Variants in NSMCE1 observed in about 807,000 individuals in gnomAD.
The protein encoded by NSMCE1 is NSE1 component of SMC5/6 complex, also known as non-structural maintenance of chromosomes element 1 homolog.
In NSMCE1, 18 loss-of-function variants were observed where a neutral mutation model predicts 29.6. The ratio of observed to expected loss-of-function variants is 0.61; its 90% CI spans 0.42 to 0.90. NSMCE1 has a LOEUF of 0.90. NSMCE1 is among the 40% of genes least tolerant of loss of function. The pLI, the probability that NSMCE1 is intolerant of heterozygous loss-of-function variation, is 0.00. For missense variants in NSMCE1, 314 were observed against 343.6 expected, an observed-to-expected ratio of 0.91 and a Z score of 0.68; for synonymous variants, 124 against 133.4, an observed-to-expected ratio of 0.93 and a Z score of 0.49.
chr16:27,225,766 G>A lies in NSMCE1; in HGVS notation c.681C>T (p.Arg227=). The A allele has an allele frequency of 1.2e-6, 2 of 1,614,206 alleles. No homozygotes were observed. The highest frequency in any genetic ancestry group is 1.7e-6 in the Non-Finnish European group (2 of 1,180,040). Residue 227 remains arginine (R), a synonymous_variant, in exon 7 of 8, where the codon CGC becomes CGT. Transcript: ENST00000361439. ...AKYFQSNAEP[R]CPHCNDYWPH... ...GCCAGTAGTCGTTGCAGTGGGGGCA[G>A]CGCGGTTCAGCATTCGACTGGAAGT...
At chr16:27,247,377 CTG>C (rs1460929681) in intron 2 of NSMCE1, among the ~76,000 whole-genome samples, 12 of 152,220 alleles carry the variant, frequency 7.9e-5, no homozygotes, top group Non-Finnish European at 7.3e-5. Context: ...TCCACCATGA[CTG>C]TAAGTTTCCT....
intron 2 of NSMCE1, among the ~76,000 whole-genome samples, chr16:27,238,907 T>C (rs1032576311): frequency 1.3e-5 from 2 of 151,152 alleles, no homozygotes; most frequent in African/African-American, 2.4e-5. Flanking sequence ...TGTCACTCCA[T>C]TGCCCAGGCT....
intron 6 of NSMCE1, 49 bp downstream of exon 6, chr16:27,226,671 G>A (rs754001151): frequency 1.3e-5 from 16 of 1,228,196 alleles, no homozygotes; most frequent in South Asian, 3.7e-5. Flanking sequence ...ACAGAGCCCC[G>A]GGAGCCGAGG....
At chr16:27,233,305 C>T (rs2083781829) in intron 4 of NSMCE1, among the ~76,000 whole-genome samples, 158 bp from the exon 5 acceptor site, 1 of 152,236 alleles carries the variant, frequency 6.6e-6, no homozygotes, top group African/African-American at 2.4e-5. Flanking sequence ...TAATGTGCAT[C>T]AAGAGCCAGG....
chr16:27,258,662 C>G (rs1264114748), intron 1 of NSMCE1, among the ~76,000 whole-genome samples: 1 of 152,074 alleles, frequency 6.6e-6, no homozygotes, highest in African/African-American at 2.4e-5. Context: ...ATAGAGGAAG[C>G]CTAAATGAGT....
intron 2 of NSMCE1, 152 bp from the exon 3 acceptor site, chr16:27,235,451 C>T: frequency 1.3e-6 from 1 of 764,550 alleles, no homozygotes; most frequent in Non-Finnish European, 2.1e-6. Context: ...ACGCCAATGC[C>T]ACGTGGCTTC....
At position 27,225,617 on chromosome 16, in the gene NSMCE1, CCA is replaced by C. The variant is rs2083680613; in HGVS notation, c.721+107_721+108del. The C allele has an allele frequency of 6.0e-6, 8 of 1,331,668 alleles. No homozygotes were observed. The East Asian group carries it at 1.9e-4, about 32-fold the overall frequency. The allele number at this position is 1,331,668 out of a possible 1,614,324, so 82.5% of individuals were successfully genotyped here. ...GGATTCAAGCTGCTAACACGGACCC[CCA>C]CACACCCTGGAGCCCTTCAGGGCCC... On this transcript the variant is annotated intron_variant, in intron 7 of 7. Transcript: ENST00000361439.
At chr16:27,247,092 G>A (rs528988667) in intron 2 of NSMCE1, among the ~76,000 whole-genome samples, 7 of 152,232 alleles carry the variant, frequency 4.6e-5, no homozygotes, top group African/African-American at 1.7e-4. Context: ...AATACATATT[G>A]GATTGCAAAG....
In NSMCE1 at chr16:27,226,846, C is replaced by T. The variant is rs1567271046; in HGVS notation, c.484-10G>A. 2 of 1,581,196 alleles carry T rather than the reference C, an allele frequency of 1.3e-6. No homozygotes were observed. The highest frequency in any genetic ancestry group is 2.2e-5 in the East Asian group (1 of 44,688). On this transcript the variant is annotated splice_polypyrimidine_tract_variant and intron_variant, in intron 5 of 7. Coordinates refer to ENST00000361439, the MANE Select transcript of NSMCE1 (RefSeq NM_145080.4). ...TGAACTCCCCTTCCTTCTGCAGGGA[C>T]ACACAGGAGGTGGCCACCCTCAGCC...
intron 4 of NSMCE1, 36 bp downstream of exon 4, chr16:27,234,152 G>A: frequency 7.3e-7 from 1 of 1,375,448 alleles, no homozygotes. Flanking sequence ...CCCATAAGAA[G>A]CCCACCCAAT....
chr16:27,234,539 T>C (rs2083798227), intron 3 of NSMCE1, among the ~76,000 whole-genome samples: 1 of 152,272 alleles, frequency 6.6e-6, no homozygotes, highest in Non-Finnish European at 1.5e-5. Context: ...TTTGTCTGCA[T>C]GTTAATGGAG....
rs776007423 is a variant in NSMCE1, at chr16:27,225,167, C to T, written c.791G>A (p.Arg264Lys). ...AGCAGGGCACGATGGCTAATGCTGC[C>T]TGGACCGCAGGGACTTTTTGTTCGA... is the stretch of plus-strand genomic sequence containing the variant. ...LKSNKKSLRS[R>K]QH is the part of the protein sequence containing the mutation. The change falls in exon 8 of 8, where the codon AGG (arginine) becomes AAG (lysine). Residue 264 changes from arginine (R) to lysine (K), a missense_variant. Transcript: ENST00000361439. The T allele has an allele frequency of 1.0e-5, 16 of 1,600,440 alleles. No homozygotes were observed. Among genetic ancestry groups the T allele is most frequent in the Non-Finnish European group, 1.4e-5 (16 of 1,171,228 alleles).
chr16:27,226,891 C>G, intron 5 of NSMCE1, 55 bp from the exon 6 acceptor site: 1 of 1,060,978 alleles, frequency 9.4e-7, no homozygotes, highest in Non-Finnish European at 1.5e-6. Context: ...CCCCATTCAC[C>G]ACCTCTCTTC....
At position 27,232,298 on chromosome 16, in the gene NSMCE1, T is replaced by C. The variant is rs926139545; in HGVS notation, c.483+703A>G. 6.6e-6 allele frequency among the ~76,000 whole-genome samples: 1 copy of C among 152,188 alleles called. No individual in the cohort carries two copies. The highest frequency in any genetic ancestry group is 1.5e-5 in the Non-Finnish European group (1 of 68,024). ...GAGCTGTTGAAAACAGGGGTGCCTTTTGTGGAAAAAGAACTGAAACATTTG... is the reference window on the plus strand; with the variant it reads ...GAGCTGTTGAAAACAGGGGTGCCTTCTGTGGAAAAAGAACTGAAACATTTG... On this transcript the variant is annotated intron_variant, in intron 5 of 7. Transcript: ENST00000361439. This position sits in a 1 kb window ranked among gnomAD's most constrained non-coding sequence, Gnocchi z 4.5.
intron 2 of NSMCE1, among the ~76,000 whole-genome samples, chr16:27,250,318 C>T (rs1399332873): frequency 6.6e-6 from 1 of 152,128 alleles, no homozygotes; most frequent in African/African-American, 2.4e-5. Flanking sequence ...TGTCTTTCTC[C>T]TGAGATTAGG....
At chr16:27,235,389 C>T (rs542842423) in intron 2 of NSMCE1, 90 bp from the exon 3 acceptor site, 52 of 1,461,080 alleles carry the variant, frequency 3.6e-5, no homozygotes, top group Admixed American at 7.5e-5. Context: ...CCCATCTCAA[C>T]GCAGGGGACA....
intron 1 of NSMCE1, among the ~76,000 whole-genome samples, chr16:27,259,835 G>C (rs1170889584): frequency 6.6e-6 from 1 of 152,196 alleles, no homozygotes; most frequent in Non-Finnish European, 1.5e-5. Context: ...ACTGCCGGCT[G>C]CCATCACAAT....
At chr16:27,261,182 A>AG (rs1411571643) in intron 1 of NSMCE1, among the ~76,000 whole-genome samples, 1 of 150,574 alleles carries the variant, frequency 6.6e-6, no homozygotes, top group Admixed American at 6.6e-5. Context: ...AAAAAAAAAA[A>AG]AGAAACTATA....
chr16:27,225,972 T>C (rs2083686410), intron 6 of NSMCE1, 126 bp from the exon 7 acceptor site: 1 of 1,133,998 alleles, frequency 8.8e-7, no homozygotes, highest in Non-Finnish European at 1.3e-6. Context: ...CCCAGATTAA[T>C]ATTGAAAATA....
Sources: allele counts gnomAD v4.1 joint callset (sites outside exome capture counted in the v4.1 genomes callset), GRCh38; gene constraint gnomAD v4.1.1; non-coding constraint Gnocchi (gnomAD v3.1); transcripts MANE v1.5; gene names NCBI Gene and HGNC (gene_info 2026-07-23, HGNC 2026-07-21).